TTYH3: variants seen among roughly 807,000 people sequenced by gnomAD.
TTYH3 encodes tweety family member 3.
TTYH3 carries 23 observed loss-of-function variants against 68.2 expected under a neutral mutation model. The observed-to-expected ratio is 0.34, with a 90% CI of 0.24 to 0.48. The LOEUF is 0.48. Among genes scored for constraint, TTYH3 ranks in the 20% least tolerant of loss-of-function variants. The pLI, the probability that TTYH3 is intolerant of heterozygous loss-of-function variation, is 0.99. For synonymous variants in TTYH3, 360 were observed against 332.8 expected (o/e 1.08, Z -0.89); for missense variants, 768 against 727.7 (o/e 1.06, Z -0.64).
At chr7:2,660,520 C>T in intron 13 of TTYH3, 1 of 985,374 alleles carries the variant, frequency 1.0e-6, no homozygotes, top group Non-Finnish European at 1.2e-6. Flanking sequence ...GCTTGGGCTC[C>T]TTCAGGGGTC....
Position 2,636,293 on chromosome 7 carries a change from C to G in TTYH3, c.123+4015C>G, listed in dbSNP as rs371850437. On this transcript the variant is annotated intron_variant, in intron 1 of 13. Transcript: ENST00000258796. ...TAAAACGGCAGTGTTGGTCGCCTGT[C>G]GCCTGTCTTGTCATTTACGAAAGCA... Among the ~76,000 whole-genome samples, 44 of 152,306 alleles carry G rather than the reference C, an allele frequency of 2.9e-4. 1 individual carries two copies. The highest frequency in any genetic ancestry group is 9.6e-4 in the African/African-American group (40 of 41,560).
intron 7 of TTYH3, among the ~76,000 whole-genome samples, chr7:2,651,774 G>A (rs908962569): frequency 6.6e-6 from 1 of 152,160 alleles, no homozygotes; most frequent in African/African-American, 2.4e-5. Context: ...ATAATTGGAA[G>A]AACTGAACTT....
chr7:2,644,107 G>C (rs901532454), intron 1 of TTYH3, among the ~76,000 whole-genome samples: 1 of 152,184 alleles, frequency 6.6e-6, no homozygotes, highest in East Asian at 1.9e-4. Flanking sequence ...CAGGCCATGG[G>C]AGCCCAGGGG....
At chr7:2,643,316 C>T (rs1785901021) in intron 1 of TTYH3, among the ~76,000 whole-genome samples, 2 of 148,042 alleles carry the variant, frequency 1.4e-5, no homozygotes, top group African/African-American at 5.1e-5. Flanking sequence ...GATGGCGCCA[C>T]TGCACTCCAG....
rs1010829579 is a variant in TTYH3, at chr7:2,660,017, G to A, written c.1500+1002G>A. On this transcript the variant is annotated intron_variant, in intron 13 of 13. Transcript: ENST00000258796. Reference sequence around the variant, plus strand: ...CCATGGACAGTGCCCGAACGCTGTGGTAGCTGTTCCCTCAGAGCGACAGGT... The same window carrying A: ...CCATGGACAGTGCCCGAACGCTGTGATAGCTGTTCCCTCAGAGCGACAGGT... 2.3e-6 allele frequency: 3 copies of A among 1,302,822 alleles called. No homozygotes were observed. In the African/African-American group the frequency reaches 4.6e-5, roughly 20 times the overall value. The allele number at this position is 1,302,822 out of a possible 1,614,324, so 80.7% of individuals were successfully genotyped here.
intron 1 of TTYH3, among the ~76,000 whole-genome samples, chr7:2,635,000 G>A (rs1000252818): frequency 1.3e-5 from 2 of 152,138 alleles, no homozygotes; most frequent in African/African-American, 4.8e-5. Flanking sequence ...GGCAGGGGGT[G>A]GAGGGGCATC....
intron 6 of TTYH3, 135 bp downstream of exon 6, chr7:2,649,774 C>T (rs917649518): frequency 7.1e-7 from 1 of 1,409,656 alleles, no homozygotes; most frequent in Non-Finnish European, 9.8e-7. Flanking sequence ...CCACCATGGG[C>T]ACAGTCCACC....
At chr7:2,639,895 C>A (rs1785787887) in intron 1 of TTYH3, among the ~76,000 whole-genome samples, 1 of 152,168 alleles carries the variant, frequency 6.6e-6, no homozygotes, top group South Asian at 2.1e-4. Flanking sequence ...GCTGCTTCTC[C>A]TGCCACCCCT....
chr7:2,658,853 C>A, intron 12 of TTYH3, 87 bp from the exon 13 acceptor site: 1 of 1,313,164 alleles, frequency 7.6e-7, no homozygotes, highest in Non-Finnish European at 1.1e-6. Context: ...CATCTGGGCA[C>A]AGCGGGCCTA....
chr7:2,660,201 C>T, intron 13 of TTYH3: 1 of 985,448 alleles, frequency 1.0e-6, no homozygotes, highest in Non-Finnish European at 1.2e-6. Context: ...CAGCCAGAGA[C>T]TTCTAATGCC....
Position 2,658,282 on chromosome 7 carries a change from A to T in TTYH3, c.1251-4A>T. On this transcript the variant is annotated splice_polypyrimidine_tract_variant and splice_region_variant and intron_variant, in intron 11 of 13. Transcript: ENST00000258796. ...GAGCCCGTGCTGCGTGTCCCTCCTC[A>T]CAGAGGCCCTGATGAGGACGGGGAG... 6.4e-7 allele frequency: 1 copy of T among 1,559,086 alleles called. No individual in the cohort carries two copies.
chr7:2,635,774 C>G (rs760690262), intron 1 of TTYH3, among the ~76,000 whole-genome samples: 5 of 152,222 alleles, frequency 3.3e-5, no homozygotes, highest in African/African-American at 9.6e-5. Flanking sequence ...GTTTGCCTAG[C>G]ATGGGGGACG....
intron 1 of TTYH3, among the ~76,000 whole-genome samples, chr7:2,633,401 A>C (rs1398472849): frequency 6.6e-6 from 1 of 151,980 alleles, no homozygotes; most frequent in African/African-American, 2.4e-5. Context: ...GGCACCTGGG[A>C]GCCCACTGCT....
At chr7:2,636,631 A>G (rs1427240655) in intron 1 of TTYH3, among the ~76,000 whole-genome samples, 1 of 152,180 alleles carries the variant, frequency 6.6e-6, no homozygotes, top group African/African-American at 2.4e-5. Context: ...GGGGGTGTAC[A>G]GCGAATGGGA....
In TTYH3 at chr7:2,645,940, C is replaced by A; in HGVS notation, c.124-913C>A. ...ACGGGCTCTGGGGTCCTGGGGCTGT[C>A]TCGGGCTGGGGGTGAGGACAGTAGC... On this transcript the variant is annotated intron_variant, in intron 1 of 13. Coordinates refer to ENST00000258796, the MANE Select transcript of TTYH3 (RefSeq NM_025250.3). This position sits in a 1 kb window ranked among gnomAD's most constrained non-coding sequence, Gnocchi z 4.8. 2.2e-6 allele frequency: 1 copy of A among 449,576 alleles called. No individual in the cohort carries two copies. 27.8% of individuals were successfully genotyped at this position (449,576 alleles called of 1,614,324 possible).
chr7:2,646,394 G>A (rs1008552786), intron 1 of TTYH3, among the ~76,000 whole-genome samples: 3 of 152,246 alleles, frequency 2.0e-5, no homozygotes, highest in African/African-American at 4.8e-5. Flanking sequence ...TGGCTGCAAA[G>A]ATGGTGGCTC....
Position 2,661,848 on chromosome 7 carries a change from G to A in TTYH3, c.*109G>A. ...GACCCTCGCACGCCGTGCCAGGCCT[G>A]CCCCAGACGCGTCTGCAGGCCGCTT... On this transcript the variant is annotated 3_prime_UTR_variant, in exon 14 of 14. Transcript: ENST00000258796. The A allele has an allele frequency of 8.2e-7, 1 of 1,224,782 alleles. No homozygotes were observed. Among genetic ancestry groups the A allele is most frequent in the Non-Finnish European group, 1.2e-6 (1 of 868,306 alleles). 75.9% of individuals were successfully genotyped at this position (1,224,782 alleles called of 1,614,324 possible). A position where few individuals can be genotyped will look rare whatever the true frequency, so the allele number is the denominator to read the frequency against.
chr7:2,655,248 C>T lies in TTYH3; in HGVS notation c.1021-844C>T, dbSNP rs1437197868. On this transcript the variant is annotated intron_variant, in intron 9 of 13. Coordinates refer to ENST00000258796, the MANE Select transcript of TTYH3 (RefSeq NM_025250.3). The stretch of plus-strand genomic sequence containing the variant: ...GGCAAACTTCGCCTCCCGGCTGAAG[C>T]GATTCTTCTGCCTCAGCCTCCTGAG... Among the ~76,000 whole-genome samples, 5 of 152,124 alleles carry T rather than the reference C, an allele frequency of 3.3e-5. No homozygotes were observed. In the East Asian group the frequency reaches 5.8e-4, roughly 18 times the overall value.
intron 1 of TTYH3, among the ~76,000 whole-genome samples, chr7:2,635,811 C>T (rs1258618594): frequency 2.0e-5 from 3 of 152,230 alleles, no homozygotes; most frequent in Non-Finnish European, 2.9e-5. Flanking sequence ...CTGGAATGCC[C>T]AGATGTTTCT....
Sources: allele counts gnomAD v4.1 joint callset (sites outside exome capture counted in the v4.1 genomes callset), GRCh38; gene constraint gnomAD v4.1.1; non-coding constraint Gnocchi (gnomAD v3.1); transcripts MANE v1.5; gene names NCBI Gene and HGNC (gene_info 2026-07-23, HGNC 2026-07-21).